The following CNTN4 variants were observed in gnomAD, a reference collection of about 807,000 sequenced individuals.
CNTN4 encodes the protein contactin 4.
A neutral mutation model predicts 122.5 loss-of-function variants in CNTN4; 77 were observed. That is an observed-to-expected ratio of 0.63 (90% CI 0.52 to 0.76). The LOEUF is 0.76. CNTN4 is among the 30% of genes least tolerant of loss of function. CNTN4 has a pLI of 0.00. For missense variants in CNTN4, 1,256 were observed against 1,259.1 expected (o/e 1.00, Z 0.04); for synonymous variants, 512 against 447.0 (o/e 1.15, Z -1.83).
At chr3:2,431,198 G>T (rs1239860710) in intron 3 of CNTN4, among the ~76,000 whole-genome samples, 1 of 152,084 alleles carries the variant, frequency 6.6e-6, no homozygotes, top group Admixed American at 6.5e-5. Flanking sequence ...AAAGGTATGG[G>T]CCGCACCTGT....
At chr3:2,174,536 G>C (rs764406223) in intron 2 of CNTN4, among the ~76,000 whole-genome samples, 16 of 152,222 alleles carry the variant, frequency 1.1e-4, no homozygotes, top group Admixed American at 2.0e-4. Flanking sequence ...GAGTCTCTTT[G>C]ATGAGGGCAC....
At chr3:2,871,709 T>C (rs2093786356) in intron 8 of CNTN4, among the ~76,000 whole-genome samples, 1 of 152,182 alleles carries the variant, frequency 6.6e-6, no homozygotes, top group African/African-American at 2.4e-5. Context: ...GATCATCATA[T>C]TATTTCACTG....
chr3:2,461,096 T>G (rs1156973414), intron 3 of CNTN4, among the ~76,000 whole-genome samples: 4 of 152,108 alleles, frequency 2.6e-5, no homozygotes, highest in African/African-American at 9.7e-5. Flanking sequence ...TTACCCATAT[T>G]CCAAGGAACC....
rs545524216 is a variant in CNTN4 at position 2,374,744 on chromosome 3, T to C, written c.-89+35511T>C. On this transcript the variant is annotated intron_variant, in intron 3 of 24. Coordinates refer to ENST00000418658, the MANE Select transcript of CNTN4 (RefSeq NM_175607.3). Reference sequence around the variant, plus strand: ...CACTGACCACGAGGAAATTAAAAAGTATTGAATTCCAAAACTATCACAAAT... The same window carrying C: ...CACTGACCACGAGGAAATTAAAAAGCATTGAATTCCAAAACTATCACAAAT... Among the ~76,000 whole-genome samples, 14 of 152,320 alleles carry C rather than the reference T, an allele frequency of 9.2e-5. No individual in the cohort carries two copies. In the East Asian group the frequency reaches 9.6e-4, roughly 10 times the overall value.
chr3:2,621,420 C>T (rs911210401), intron 4 of CNTN4, among the ~76,000 whole-genome samples: 1 of 151,828 alleles, frequency 6.6e-6, no homozygotes, highest in Non-Finnish European at 1.5e-5. Flanking sequence ...TGTTCTCACT[C>T]ATAAGTGGGA....
chr3:2,923,932 T>C (rs2094450815), intron 12 of CNTN4, among the ~76,000 whole-genome samples: 2 of 152,128 alleles, frequency 1.3e-5, no homozygotes, highest in South Asian at 2.1e-4. Context: ...AAGAAATGCG[T>C]TTATCTCATT....
At chr3:2,402,252 G>A (rs2046884661) in intron 3 of CNTN4, among the ~76,000 whole-genome samples, 1 of 151,972 alleles carries the variant, frequency 6.6e-6, no homozygotes, top group African/African-American at 2.4e-5. Flanking sequence ...CCTCTTTTCT[G>A]TTTGACAGAA....
At chr3:2,970,429 G>A (rs1051791122) in intron 13 of CNTN4, among the ~76,000 whole-genome samples, 2 of 151,932 alleles carry the variant, frequency 1.3e-5, no homozygotes, top group East Asian at 3.9e-4. Flanking sequence ...ATGCCTTAAT[G>A]ATAACACAGT....
At chr3:2,502,057 A>T (rs138112120) in intron 3 of CNTN4, among the ~76,000 whole-genome samples, 292 of 152,326 alleles carry the variant, frequency 1.9e-3, no homozygotes, top group African/African-American at 6.6e-3. Context: ...AAGATATCCC[A>T]TTATGTATAT....
chr3:3,024,690 T>C (rs1698582659), intron 14 of CNTN4, among the ~76,000 whole-genome samples: 1 of 152,162 alleles, frequency 6.6e-6, no homozygotes, highest in Non-Finnish European at 1.5e-5. Context: ...GATTTCCCTT[T>C]TGTAACTGAG....
At chr3:2,343,292 A>G (rs1662289527) in intron 3 of CNTN4, among the ~76,000 whole-genome samples, 2 of 152,184 alleles carry the variant, frequency 1.3e-5, no homozygotes, top group South Asian at 4.1e-4. Context: ...TTGCCGATGA[A>G]AAATGGAAAG....
intron 4 of CNTN4, among the ~76,000 whole-genome samples, chr3:2,598,836 C>T (rs1436591528): frequency 6.6e-6 from 1 of 152,120 alleles, no homozygotes; most frequent in African/African-American, 2.4e-5. Flanking sequence ...ATTAAAGATC[C>T]ACTCTCTTGG....
intron 7 of CNTN4, among the ~76,000 whole-genome samples, chr3:2,836,946 A>C (rs958490388): frequency 6.6e-6 from 1 of 152,206 alleles, no homozygotes; most frequent in African/African-American, 2.4e-5. Context: ...AATCTGCTTA[A>C]TGACAGCCAA....
At chr3:2,634,611 A>G (rs1267756973) in intron 4 of CNTN4, among the ~76,000 whole-genome samples, 1 of 151,588 alleles carries the variant, frequency 6.6e-6, no homozygotes, top group African/African-American at 2.4e-5. Context: ...CAGGTGGGTC[A>G]TGAGGTCAGG....
intron 4 of CNTN4, among the ~76,000 whole-genome samples, chr3:2,669,173 C>T (rs1476153269): frequency 2.0e-5 from 3 of 152,118 alleles, no homozygotes; most frequent in Non-Finnish European, 4.4e-5. Flanking sequence ...ATGGTACCAG[C>T]TCCTCCTTGT....
chr3:2,748,438 A>G (rs2149582778), intron 6 of CNTN4, among the ~76,000 whole-genome samples: 1 of 152,208 alleles, frequency 6.6e-6, no homozygotes, highest in South Asian at 2.1e-4. Flanking sequence ...ATCAGACATA[A>G]TGATTGTTCT....
intron 3 of CNTN4, among the ~76,000 whole-genome samples, chr3:2,434,610 A>G (rs1352000577): frequency 6.6e-6 from 1 of 152,154 alleles, no homozygotes; most frequent in African/African-American, 2.4e-5. Flanking sequence ...TTTTCTTGGA[A>G]TCATTGAATC....
intron 6 of CNTN4, among the ~76,000 whole-genome samples, chr3:2,802,023 C>T (rs191371474): frequency 2.6e-4 from 40 of 152,130 alleles, no homozygotes; most frequent in African/African-American, 9.2e-4. Context: ...CTAGTTGCTG[C>T]TACTATTATT....
In CNTN4 at chr3:2,645,599, G is replaced by T. The variant is rs192306888; in HGVS notation, c.55+74041G>T. Reference sequence around the variant, plus strand: ...TAAAAATAACACTTAAATTATAAAGGCCTCAAAATTTTCTTTGCTGTAATT... The same window carrying T: ...TAAAAATAACACTTAAATTATAAAGTCCTCAAAATTTTCTTTGCTGTAATT... On this transcript the variant is annotated intron_variant, in intron 4 of 24. Transcript: ENST00000418658. Among the ~76,000 whole-genome samples, 27 of 152,168 alleles carry T rather than the reference G, an allele frequency of 1.8e-4. No individual in the cohort carries two copies. In the East Asian group the frequency reaches 2.3e-3, roughly 13 times the overall value.
Sources: allele counts gnomAD v4.1 joint callset (sites outside exome capture counted in the v4.1 genomes callset), GRCh38; gene constraint gnomAD v4.1.1; transcripts MANE v1.5; gene names NCBI Gene and HGNC (gene_info 2026-07-23, HGNC 2026-07-21).